The following SYT14 variants were observed in gnomAD, a reference collection of about 807,000 sequenced individuals.
The protein encoded by SYT14 is synaptotagmin 14, also known as synaptotagmin-14.
A neutral mutation model predicts 74.2 loss-of-function variants in SYT14; 32 were observed. The ratio of observed to expected loss-of-function variants is 0.43; its 90% CI spans 0.33 to 0.58. The LOEUF (loss-of-function observed/expected upper bound fraction) is 0.58. SYT14 is among the 20% of genes least tolerant of loss of function. The probability of loss-of-function intolerance (pLI) is 0.05; values close to 1 mark genes in which losing one functional copy is unlikely to be tolerated. For synonymous variants in SYT14, 298 were observed against 337.7 expected (o/e 0.88, Z 1.29); for missense variants, 791 against 981.8 (o/e 0.81, Z 2.60).
intron 5 of SYT14, among the ~76,000 whole-genome samples, chr1:210,057,541 C>T (rs2081123288): frequency 6.6e-6 from 1 of 152,128 alleles, no homozygotes; most frequent in Non-Finnish European, 1.5e-5. Flanking sequence ...TATGAGTTCC[C>T]CGTATCTCAC....
intron 5 of SYT14, among the ~76,000 whole-genome samples, chr1:210,056,121 T>G (rs1214377317): frequency 1.3e-5 from 2 of 152,172 alleles, no homozygotes; most frequent in African/African-American, 4.8e-5. Flanking sequence ...GAAACTTACC[T>G]TTATAAGTTT....
At chr1:210,168,068 G>A (rs114339023) in exon 10 of SYT14, 112,103 of 153,070 alleles carry the variant, frequency 0.73, 41,558 homozygotes, top group East Asian at 0.86. Flanking sequence ...CTGTTTCGGT[G>A]GTGGTGGTGG....
chr1:210,074,760 CT>C (rs1464554904), intron 5 of SYT14, among the ~76,000 whole-genome samples: 1 of 152,146 alleles, frequency 6.6e-6, no homozygotes, highest in Non-Finnish European at 1.5e-5. Context: ...CTACTCAAAC[CT>C]CTAGGGGAGC....
intron 7 of SYT14, among the ~76,000 whole-genome samples, chr1:210,101,733 A>G (rs934661325): frequency 1.3e-5 from 2 of 152,096 alleles, no homozygotes; most frequent in African/African-American, 4.8e-5. Context: ...AATAATCTAC[A>G]GTTATTAATA....
chr1:210,165,566 G>C (rs1216494411), exon 10 of SYT14: 1 of 152,124 alleles, frequency 6.6e-6, no homozygotes, highest in African/African-American at 2.4e-5. Flanking sequence ...GGCATAACCT[G>C]TGTCTAGCCC....
chr1:210,061,974 A>T (rs893933166), intron 5 of SYT14, among the ~76,000 whole-genome samples: 12 of 151,726 alleles, frequency 7.9e-5, no homozygotes, highest in African/African-American at 2.2e-4. Flanking sequence ...TAGTGTAAAG[A>T]TCTATTATAC....
At chr1:209,956,841 G>C (rs999975084) in intron 2 of SYT14, among the ~76,000 whole-genome samples, 5 of 152,242 alleles carry the variant, frequency 3.3e-5, no homozygotes, top group Admixed American at 2.6e-4. Flanking sequence ...CATATGGAAA[G>C]ATGTAATAGG....
intron 6 of SYT14, among the ~76,000 whole-genome samples, chr1:210,098,536 G>C (rs2082006276): frequency 6.6e-6 from 1 of 152,098 alleles, no homozygotes; most frequent in African/African-American, 2.4e-5. Flanking sequence ...AGAAGAGTGA[G>C]ACAGAGAGTA....
chr1:209,949,322 C>G (rs900185818), intron 1 of SYT14, among the ~76,000 whole-genome samples: 2 of 152,078 alleles, frequency 1.3e-5, no homozygotes, highest in African/African-American at 2.4e-5. Context: ...TGCCTGTAAT[C>G]CTAGCACTAT....
chr1:209,952,467 A>G (rs2078927855), intron 1 of SYT14, among the ~76,000 whole-genome samples: 3 of 152,198 alleles, frequency 2.0e-5, no homozygotes, highest in Admixed American at 1.3e-4. Flanking sequence ...GAAGCTTGCC[A>G]TTCAAAATCA....
At chr1:209,974,296 T>A (rs2102766040) in intron 2 of SYT14, among the ~76,000 whole-genome samples, 1 of 152,328 alleles carries the variant, frequency 6.6e-6, no homozygotes, top group South Asian at 2.1e-4. Flanking sequence ...CATGCCTATG[T>A]CCTGAATGGT....
At chr1:210,007,382 A>G (rs11578500) in intron 2 of SYT14, among the ~76,000 whole-genome samples, 13 of 152,100 alleles carry the variant, frequency 8.5e-5, no homozygotes, top group Non-Finnish European at 1.0e-4. Flanking sequence ...AGCACTACTA[A>G]TGAATATCAA....
At chr1:210,072,586 G>A (rs2081415234) in intron 5 of SYT14, among the ~76,000 whole-genome samples, 1 of 151,958 alleles carries the variant, frequency 6.6e-6, no homozygotes, top group Non-Finnish European at 1.5e-5. Flanking sequence ...TGGGAGTACA[G>A]GAGTACACAT....
intron 5 of SYT14, among the ~76,000 whole-genome samples, chr1:210,058,974 T>A (rs2081150430): frequency 6.6e-6 from 1 of 152,172 alleles, no homozygotes; most frequent in Non-Finnish European, 1.5e-5. Context: ...ATATAGTGCT[T>A]GCGATGTAAC....
intron 6 of SYT14, among the ~76,000 whole-genome samples, chr1:210,095,237 T>G (rs545178689): frequency 6.2e-4 from 95 of 152,322 alleles, no homozygotes; most frequent in Non-Finnish European, 1.2e-3. Context: ...AAAGACAATC[T>G]AGAGTTTTTA....
intron 5 of SYT14, among the ~76,000 whole-genome samples, chr1:210,056,659 C>CAAAAAAAAAAAAAAA (rs1196789715): frequency 4.0e-4 from 32 of 79,316 alleles, no homozygotes; most frequent in African/African-American, 1.5e-3. Context: ...ACTAAAAATA[C>CAAAAAAAAAAAAAAA]AAAAAAAAAA....
Position 210,144,937 on chromosome 1 carries a change from CA to C in SYT14, c.2035-10782del, listed in dbSNP as rs72504327. On this transcript the variant is annotated intron_variant, in intron 7 of 9. Coordinates refer to ENST00000637265, the Ensembl canonical transcript of SYT14. ...CTGGGATACGGAGTCTTTAGCAACC[CA>C]ATATGTGTCAGCAGTGACTCAGATA... Among the ~76,000 whole-genome samples, 2,262 of 152,178 alleles carry C rather than the reference CA, an allele frequency of 0.015. 196 individuals are homozygous for C. The East Asian group carries it at 0.25, about 17-fold the overall frequency.
At chr1:209,990,890 A>T (rs773289371) in intron 2 of SYT14, among the ~76,000 whole-genome samples, 1 of 152,144 alleles carries the variant, frequency 6.6e-6, no homozygotes. Flanking sequence ...ACTTCAAATT[A>T]TACTGCAAGG....
chr1:210,148,246 T>C (rs570832328), intron 7 of SYT14, among the ~76,000 whole-genome samples: 9 of 152,258 alleles, frequency 5.9e-5, no homozygotes, highest in Admixed American at 3.9e-4. Context: ...CGGTGGCTCA[T>C]GCCTGTAATC....
Sources: allele counts gnomAD v4.1 joint callset (sites outside exome capture counted in the v4.1 genomes callset), GRCh38; gene constraint gnomAD v4.1.1; transcripts MANE v1.5; gene names NCBI Gene and HGNC (gene_info 2026-07-23, HGNC 2026-07-21).